Variants in SERINC2 observed in about 807,000 individuals in gnomAD.
SERINC2 encodes serine incorporator 2.
SERINC2 carries 56 observed loss-of-function variants against 54.2 expected under a neutral mutation model. That is an observed-to-expected ratio of 1.03 (90% CI 0.83 to 1.29). The LOEUF (loss-of-function observed/expected upper bound fraction) is 1.29, where lower values mean the gene tolerates loss of function less well. Ranked by LOEUF, SERINC2 falls within the 50% of genes most tolerant of loss-of-function variation. The pLI is 0.00. For synonymous variants in SERINC2, 272 were observed against 253.1 expected (o/e 1.07, Z -0.71); for missense variants, 614 against 607.4 (o/e 1.01, Z -0.12).
chr1:31,431,777 A>T lies in SERINC2; in HGVS notation c.1014-1190A>T, dbSNP rs77811748. ...AGGGTGGAGAGGGTGGAGAGGGTGA[A>T]TAGGGTGGATAGGGTGGATAGGGTG... On this transcript the variant is annotated intron_variant, in intron 8 of 9. Transcript: ENST00000373709. 5.5e-3 allele frequency among the ~76,000 whole-genome samples: 530 copies of T among 95,652 alleles called. 11 individuals are homozygous for T. Among genetic ancestry groups the T allele is most frequent in the African/African-American group, 0.024 (500 of 21,184 alleles). 62.8% of individuals were successfully genotyped at this position (95,652 alleles called of 152,430 possible).
chr1:31,411,829 C>T (rs1220060807), upstream of SERINC2, among the ~76,000 whole-genome samples: 2 of 151,628 alleles, frequency 1.3e-5, no homozygotes, highest in Non-Finnish European at 2.9e-5. Context: ...GAGACCTCAT[C>T]TCTACACAAA....
At chr1:31,414,419 GGTTGTGTGTGT>G (rs1370377463) in intron 1 of SERINC2, 2 of 1,146,284 alleles carry the variant, frequency 1.7e-6, no homozygotes, top group African/African-American at 2.1e-5. Flanking sequence ...GTCCCTGACG[GGTTGTGTGTGT>G]GTGTGTGTGT....
At chr1:31,413,122 C>T, upstream of SERINC2, 1 of 1,002,266 alleles carries the variant, frequency 1.0e-6, no homozygotes, top group Non-Finnish European at 1.2e-6. This position sits in a 1 kb window ranked among gnomAD's most constrained non-coding sequence, Gnocchi z 5.0. Context: ...GCCCCGAGCG[C>T]CGCCGGAAAG....
chr1:31,423,404 C>A (rs1037041606), intron 1 of SERINC2, among the ~76,000 whole-genome samples: 1 of 152,040 alleles, frequency 6.6e-6, no homozygotes. Flanking sequence ...TTAAACTACT[C>A]TCCCTCCCTG....
chr1:31,412,393 C>A (rs1215625038), upstream of SERINC2, among the ~76,000 whole-genome samples: 10 of 152,134 alleles, frequency 6.6e-5, no homozygotes, highest in Non-Finnish European at 1.3e-4. Context: ...GATAAGCCAC[C>A]AAGCAGGGGT....
At position 31,433,108 on chromosome 1, in the gene SERINC2, C is replaced by T; in HGVS notation, c.1155C>T (p.Thr385=). 1 of 1,613,730 alleles carries T rather than the reference C, an allele frequency of 6.2e-7. No homozygotes were observed. The highest frequency in any genetic ancestry group is 8.5e-7 in the Non-Finnish European group (1 of 1,180,026). Residue 385 remains threonine (T), a synonymous_variant, in exon 9 of 10, where the codon ACC becomes ACT. Transcript: ENST00000373709. ...RAFDNEQDGV[T]YSYSFFHFCL... Reference sequence around the variant, plus strand: ...TTGACAACGAGCAGGACGGCGTCACCTACAGCTACTCCTTCTTCCACTTCT... The same window carrying T: ...TTGACAACGAGCAGGACGGCGTCACTTACAGCTACTCCTTCTTCCACTTCT...
At position 31,431,814 on chromosome 1, in the gene SERINC2, C is replaced by CAGGGTGGAT. The variant is rs1557499900; in HGVS notation, c.1014-1099_1014-1091dup. On this transcript the variant is annotated intron_variant, in intron 8 of 9. Transcript: ENST00000373709. ...GGGTGGATAGGGTGGACAGGGTGGACAGGGTGGATAGGGTGGATAGGGTGG... is the reference window on the plus strand; with the variant it reads ...GGGTGGATAGGGTGGACAGGGTGGACAGGGTGGATAGGGTGGATAGGGTGGATAGGGTGG... Among the ~76,000 whole-genome samples the CAGGGTGGAT allele has an allele frequency of 4.2e-3, 143 of 34,084 alleles. 8 individuals are homozygous for CAGGGTGGAT. Among genetic ancestry groups the CAGGGTGGAT allele is most frequent in the Non-Finnish European group, 6.7e-3 (80 of 11,854 alleles). 22.4% of individuals were successfully genotyped at this position (34,084 alleles called of 152,430 possible). A position where few individuals can be genotyped will look rare whatever the true frequency, so the allele number is the denominator to read the frequency against.
rs1553133414 is a variant in SERINC2 at position 31,425,395 on chromosome 1, G to C, written c.458G>C (p.Gly153Ala). Reference sequence around the variant, plus strand: ...GTGGGTGCCTTCTACATTCCTGACGGCTCCTTCACCAACAGTAGGCGGACT... The same window carrying C: ...GTGGGTGCCTTCTACATTCCTGACGCCTCCTTCACCAACAGTAGGCGGACT... ...LTVGAFYIPD[G>A]SFTNIWFYFG... The change falls in exon 4 of 10, where the codon GGC becomes GCC. Residue 153 changes from glycine (G) to alanine (A), a missense_variant. Physicochemically the swap from Gly to Ala is moderately conservative, Grantham distance 60. Coordinates refer to ENST00000373709, the MANE Select transcript of SERINC2 (RefSeq NM_178865.5). 6.2e-7 allele frequency: 1 copy of C among 1,610,688 alleles called. No individual in the cohort carries two copies.
intron 1 of SERINC2, chr1:31,414,405 C>T: frequency 9.4e-7 from 1 of 1,066,060 alleles, no homozygotes; most frequent in African/African-American, 2.3e-5. Flanking sequence ...ACTCGCTTTC[C>T]TTTGTCCCTG....
chr1:31,431,181 A>G (rs143342089), intron 8 of SERINC2, among the ~76,000 whole-genome samples: 3,735 of 150,392 alleles, frequency 0.025, 201 homozygotes, highest in East Asian at 0.21. Context: ...CTGGAGTGCA[A>G]TGACACAATC....
Position 31,425,339 on chromosome 1 carries a change from C to A in SERINC2, c.402C>A (p.Phe134Leu). 1 of 1,612,252 alleles carries A rather than the reference C, an allele frequency of 6.2e-7. No individual in the cohort carries two copies. Among genetic ancestry groups the A allele is most frequent in the Non-Finnish European group, 8.5e-7 (1 of 1,178,252 alleles). ...CCGACCCCTTCTGTAGGTTTTGGTT[C>A]TTTAAGTTCCTGATCCTGGTGGGCC... is the stretch of plus-strand genomic sequence containing the variant. ...PRAAIQNGFW[F>L]FKFLILVGLT... The change falls in exon 4 of 10, where the codon TTC becomes TTA. Residue 134 changes from phenylalanine to leucine, a missense_variant. Transcript: ENST00000373709.
rs1553133312 is a variant in SERINC2, at chr1:31,424,860, G to A, written c.379G>A (p.Ala127Thr). 3 of 1,611,242 alleles carry A rather than the reference G, an allele frequency of 1.9e-6. No individual in the cohort carries two copies. The highest frequency in any genetic ancestry group is 2.5e-6 in the Non-Finnish European group (3 of 1,179,328). ...GAGCAGCAGCCGGGACCCCCGGGCT[G>A]CCATCCAGAATGGGTGAGAGAGGGG... Reference protein sequence around the residue: ...CVSSSRDPRAAIQNGFWFFKF... With the variant: ...CVSSSRDPRATIQNGFWFFKF... The change falls in exon 3 of 10, where the codon GCC becomes ACC. Residue 127 changes from alanine to threonine, a missense_variant. Coordinates refer to ENST00000373709, the MANE Select transcript of SERINC2 (RefSeq NM_178865.5).
chr1:31,419,806 G>A (rs1022541297), intron 1 of SERINC2, among the ~76,000 whole-genome samples: 5 of 152,164 alleles, frequency 3.3e-5, no homozygotes, highest in Admixed American at 1.3e-4. Context: ...TCCAGCCTGG[G>A]TGACAGAGCC....
intron 8 of SERINC2, among the ~76,000 whole-genome samples, chr1:31,432,165 T>TAGGGTGGAGAGGGTGGAG (rs1557501631): frequency 1.5e-4 from 3 of 19,686 alleles, no homozygotes; most frequent in East Asian, 2.8e-3. Context: ...ACAGGGTGGA[T>TAGGGTGGAGAGGGTGGAG]AGGGTGGATA....
chr1:31,411,859 G>A (rs1640654249), upstream of SERINC2, among the ~76,000 whole-genome samples: 1 of 151,874 alleles, frequency 6.6e-6, no homozygotes, highest in South Asian at 2.1e-4. Flanking sequence ...AAATTAGCTG[G>A]GTGTGGTAGT....
rs1640736628 is a variant in SERINC2 at position 31,414,489 on chromosome 1, G to A, written c.39+1185G>A. The A allele has an allele frequency of 3.9e-6, 4 of 1,017,426 alleles. No individual in the cohort carries two copies. In the South Asian group the frequency reaches 1.8e-4, roughly 46 times the overall value. The allele number at this position is 1,017,426 out of a possible 1,614,324, so 63.0% of individuals were successfully genotyped here. On this transcript the variant is annotated intron_variant, in intron 1 of 9. Coordinates refer to ENST00000373709, the MANE Select transcript of SERINC2 (RefSeq NM_178865.5). ...AGAGAGAGAGAGGAGGGGGTGTAGG[G>A]GAGAGCTGAGGGTCTAGAGATTTAC...
rs140766538 is a variant in SERINC2 at position 31,434,556 on chromosome 1, A to G, written c.*357A>G. 137 of 265,990 alleles carry G rather than the reference A, an allele frequency of 5.2e-4. No homozygotes were observed. The highest frequency in any genetic ancestry group is 9.2e-4 in the Admixed American group (19 of 20,608). 16.5% of individuals were successfully genotyped at this position (265,990 alleles called of 1,614,324 possible). A position where few individuals can be genotyped will look rare whatever the true frequency, so the allele number is the denominator to read the frequency against. On this transcript the variant is annotated 3_prime_UTR_variant, in exon 10 of 10. Transcript: ENST00000373709. ...CGGGGAACTCCCACCACAGTGGGGC[A>G]TCCGGCACTGAAGCCCTGGTGTTCC...
chr1:31,414,661 A>G, intron 1 of SERINC2: 7 of 985,354 alleles, frequency 7.1e-6, no homozygotes, highest in Non-Finnish European at 8.4e-6. Context: ...GGTGCCTGAA[A>G]TCCCTCCCAG....
chr1:31,434,077 C>T lies in SERINC2; in HGVS notation c.1246C>T (p.Arg416Trp), dbSNP rs149673264. The change falls in exon 10 of 10, where the codon CGG (arginine) becomes TGG (tryptophan). Residue 416 changes from arginine (R) to tryptophan (W), a missense_variant. Arg to Trp is a moderately radical substitution (Grantham distance 101). Coordinates refer to ENST00000373709, the MANE Select transcript of SERINC2 (RefSeq NM_178865.5). ...LTNWYKPGET[R>W]KMISTWTAVW... ...GGTGTGTTCCAGGCCCGGTGAGACC[C>T]GGAAGATGATCAGCACGTGGACCGC... 1.2e-5 allele frequency: 20 copies of T among 1,613,742 alleles called. No individual in the cohort carries two copies. Among genetic ancestry groups the T allele is most frequent in the African/African-American group, 6.7e-5 (5 of 74,886 alleles).
Sources: allele counts gnomAD v4.1 joint callset (sites outside exome capture counted in the v4.1 genomes callset), GRCh38; gene constraint gnomAD v4.1.1; non-coding constraint Gnocchi (gnomAD v3.1); transcripts MANE v1.5; gene names NCBI Gene and HGNC (gene_info 2026-07-23, HGNC 2026-07-21).